PSPC1: variants seen among roughly 807,000 people sequenced by gnomAD.
PSPC1 encodes the protein paraspeckle protein 1.
A neutral mutation model predicts 51.6 loss-of-function variants in PSPC1; 14 were observed. That is an observed-to-expected ratio of 0.27 (90% confidence interval 0.18 to 0.42). The LOEUF is 0.42. Among genes scored for constraint, PSPC1 ranks in the 10% least tolerant of loss-of-function variants. The pLI is 1.00. For synonymous variants in PSPC1, 193 were observed against 231.9 expected, an observed-to-expected ratio of 0.83 and a Z score of 1.53; for missense variants, 406 against 701.1, an observed-to-expected ratio of 0.58 and a Z score of 4.75.
At chr13:19,688,605 T>C (rs1027248165) in intron 6 of PSPC1, among the ~76,000 whole-genome samples, 4 of 152,350 alleles carry the variant, frequency 2.6e-5, no homozygotes, top group African/African-American at 9.6e-5. Flanking sequence ...CTGGAGTTGC[T>C]GGAAGACAGG....
intron 6 of PSPC1, among the ~76,000 whole-genome samples, chr13:19,689,732 G>A (rs371226268): frequency 1.9e-4 from 29 of 152,196 alleles, no homozygotes; most frequent in Admixed American, 1.5e-3. Flanking sequence ...TTTCACAAAC[G>A]GAGACTAAAA....
At chr13:19,717,365 G>T (rs1195406973) in intron 6 of PSPC1, among the ~76,000 whole-genome samples, 1 of 144,750 alleles carries the variant, frequency 6.9e-6, no homozygotes, top group Non-Finnish European at 1.5e-5. Flanking sequence ...CAGGAGTTAG[G>T]GACCAGCCTG....
In PSPC1 at chr13:19,675,981, G is replaced by A. The variant is rs1347806348; in HGVS notation, c.*77-997C>T. ...TTGTTAGAAAGCAAAATCTATAAAA[G>A]GAGTTACTTTAACTGAAGTAACAGT... On this transcript the variant is annotated intron_variant and NMD_transcript_variant, in intron 7 of 7. Coordinates refer to the PSPC1 transcript ENST00000471658. 8 of 152,148 alleles carry A rather than the reference G, an allele frequency of 5.3e-5. 1 individual carries two copies. The East Asian group carries it at 1.5e-3, about 29-fold the overall frequency. The allele number at this position is 152,148 out of a possible 1,614,324, so 9.4% of individuals were successfully genotyped here. A position where few individuals can be genotyped will look rare whatever the true frequency, so the allele number is the denominator to read the frequency against.
intron 6 of PSPC1, among the ~76,000 whole-genome samples, chr13:19,721,091 A>G (rs1882716683): frequency 6.6e-6 from 1 of 152,152 alleles, no homozygotes. Context: ...ATGATACTAC[A>G]GAGATACTAT....
downstream of PSPC1, among the ~76,000 whole-genome samples, chr13:19,698,168 CTTAAG>C (rs1879467449): frequency 6.6e-6 from 1 of 151,914 alleles, no homozygotes; most frequent in East Asian, 1.9e-4. Flanking sequence ...AATGTGGCTA[CTTAAG>C]TTATGACACT....
At chr13:19,757,211 C>T (rs1887174892) in intron 3 of PSPC1, among the ~76,000 whole-genome samples, 1 of 151,892 alleles carries the variant, frequency 6.6e-6, no homozygotes, top group Non-Finnish European at 1.5e-5. Context: ...ACTTTGGGTT[C>T]ATGGTCTCAC....
rs1033177944 is a variant in PSPC1 at position 19,702,950 on chromosome 13, G to C, written c.*225C>G. 8 of 402,954 alleles carry C rather than the reference G, an allele frequency of 2.0e-5. No individual in the cohort carries two copies. The Admixed American group carries it at 2.9e-4, about 15-fold the overall frequency. 25.0% of individuals were successfully genotyped at this position (402,954 alleles called of 1,614,324 possible). A position where few individuals can be genotyped will look rare whatever the true frequency, so the allele number is the denominator to read the frequency against. On this transcript the variant is annotated 3_prime_UTR_variant, in exon 9 of 9. Transcript: ENST00000338910. Reference sequence around the variant, plus strand: ...TATGGAATACTTATATTTAGCTAAAGTCACAAACACATTTCAACATTCAAA... The same window carrying C: ...TATGGAATACTTATATTTAGCTAAACTCACAAACACATTTCAACATTCAAA...
intron 5 of PSPC1, among the ~76,000 whole-genome samples, chr13:19,736,589 A>G (rs1054624841): frequency 2.5e-4 from 38 of 152,178 alleles, no homozygotes; most frequent in Non-Finnish European, 4.1e-4. Context: ...AGGCTGAGGC[A>G]GGAGAATGGC....
chr13:19,761,267 T>C (rs1235312435), intron 2 of PSPC1, among the ~76,000 whole-genome samples: 4 of 152,140 alleles, frequency 2.6e-5, no homozygotes, highest in Non-Finnish European at 4.4e-5. Context: ...TAATGAAAGA[T>C]ATGACTAGAG....
Position 19,687,156 on chromosome 13 carries a change from G to A in PSPC1, c.1159-9333C>T, listed in dbSNP as rs577211325. Among the ~76,000 whole-genome samples, 412 of 152,186 alleles carry A rather than the reference G, an allele frequency of 2.7e-3. 5 individuals are homozygous for A. The highest frequency in any genetic ancestry group is 2.8e-3 in the Non-Finnish European group (188 of 67,988). On this transcript the variant is annotated intron_variant and NMD_transcript_variant, in intron 6 of 7. Transcript: ENST00000471658. ...GCGGAGGTTGTGGTGAGCTGAAATCGCGCCACTGCACTCCAGCCTGGGCAA... is the reference window on the plus strand; with the variant it reads ...GCGGAGGTTGTGGTGAGCTGAAATCACGCCACTGCACTCCAGCCTGGGCAA...
At chr13:19,708,698 G>A (rs1881018303) in intron 7 of PSPC1, among the ~76,000 whole-genome samples, 1 of 152,148 alleles carries the variant, frequency 6.6e-6, no homozygotes, top group African/African-American at 2.4e-5. Context: ...GTGCACTTCT[G>A]TGCACAACAC....
intron 2 of PSPC1, among the ~76,000 whole-genome samples, chr13:19,771,107 G>A (rs887489227): frequency 1.3e-5 from 2 of 151,740 alleles, no homozygotes; most frequent in African/African-American, 4.8e-5. Flanking sequence ...ACTCCACCAC[G>A]CTGCCCCCAA....
intron 6 of PSPC1, among the ~76,000 whole-genome samples, chr13:19,693,980 G>A (rs1357204782): frequency 3.3e-5 from 5 of 151,642 alleles, no homozygotes; most frequent in African/African-American, 7.3e-5. Context: ...AAAATTAGCC[G>A]GGTGTGGTGG....
chr13:19,722,749 G>A (rs552950409), intron 6 of PSPC1, among the ~76,000 whole-genome samples: 15 of 151,862 alleles, frequency 9.9e-5, no homozygotes, highest in South Asian at 4.2e-4. Context: ...AGCTGAGATC[G>A]CGCCACTGTA....
chr13:19,730,965 CAAAAAAA>C lies in PSPC1; in HGVS notation c.1053-628_1053-622del, dbSNP rs56753561. On this transcript the variant is annotated intron_variant, in intron 5 of 8. Transcript: ENST00000338910. ...GTCTCAGAAAAAAAAAACAAAAAAA[CAAAAAAA>C]AAAAAAACAGAAAAAGTCTGAGATC... Among the ~76,000 whole-genome samples the C allele has an allele frequency of 8.0e-3, 300 of 37,360 alleles. 8 individuals are homozygous for C. Among genetic ancestry groups the C allele is most frequent in the African/African-American group, 0.015 (221 of 14,614 alleles). The allele number at this position is 37,360 out of a possible 152,430, so 24.5% of individuals were successfully genotyped here. A position where few individuals can be genotyped will look rare whatever the true frequency, so the allele number is the denominator to read the frequency against.
intron 6 of PSPC1, among the ~76,000 whole-genome samples, chr13:19,681,999 G>C (rs941787152): frequency 2.0e-5 from 3 of 152,158 alleles, no homozygotes; most frequent in Non-Finnish European, 4.4e-5. Context: ...CTCAGTGAAT[G>C]ATATAGCAAA....
intron 7 of PSPC1, among the ~76,000 whole-genome samples, chr13:19,707,354 T>C (rs1210195371): frequency 6.6e-6 from 1 of 152,188 alleles, no homozygotes; most frequent in Non-Finnish European, 1.5e-5. Flanking sequence ...TTTAAAGATA[T>C]AAAAAATGTT....
chr13:19,778,447 T>C (rs1001530243), intron 1 of PSPC1, among the ~76,000 whole-genome samples: 1 of 123,286 alleles, frequency 8.1e-6, no homozygotes, highest in African/African-American at 3.0e-5. Flanking sequence ...AGCTGGACTG[T>C]ACTGCTGCCA....
intron 6 of PSPC1, among the ~76,000 whole-genome samples, chr13:19,694,421 T>C (rs1473205220): frequency 6.6e-6 from 1 of 152,100 alleles, no homozygotes; most frequent in Non-Finnish European, 1.5e-5. Flanking sequence ...CAGGTGAAAT[T>C]AGCTTAATTA....
Sources: allele counts gnomAD v4.1 joint callset (sites outside exome capture counted in the v4.1 genomes callset), GRCh38; gene constraint gnomAD v4.1.1; transcripts MANE v1.5; gene names NCBI Gene and HGNC (gene_info 2026-07-23, HGNC 2026-07-21).